ZNF683: variants seen among roughly 807,000 people sequenced by gnomAD.
ZNF683 encodes the protein tissue-resident T-cell transcription regulator protein ZNF683.
A neutral mutation model predicts 31.4 loss-of-function variants in ZNF683; 20 were observed. The ratio of observed to expected loss-of-function variants is 0.64; its 90% CI spans 0.45 to 0.93. The LOEUF (loss-of-function observed/expected upper bound fraction) is 0.93, where lower values mean the gene tolerates loss of function less well. Among genes scored for constraint, ZNF683 ranks in the 40% least tolerant of loss-of-function variants. ZNF683 has a pLI of 0.00. For missense variants in ZNF683, 621 were observed against 637.2 expected, an observed-to-expected ratio of 0.97 and a Z score of 0.27; for synonymous variants, 264 against 267.6, an observed-to-expected ratio of 0.99 and a Z score of 0.13.
rs761614494 is a variant in ZNF683, at chr1:26,361,958, GC to G, written c.1207del (p.Ala403ProfsTer19). On this transcript the variant is annotated frameshift_variant, in exon 6 of 6. Transcript: ENST00000349618. LOFTEE classifies it low-confidence loss of function (END_TRUNC). ...GCAGACACTGCACTGGAAGGGCCGGGCCCCGGAGTGCAGGCGCAGGTGGGTC... is the reference window on the plus strand; with the variant it reads ...GCAGACACTGCACTGGAAGGGCCGGGCCCGGAGTGCAGGCGCAGGTGGGTC... ...LKTHLRLHSG[A>X]RPFQCSVCRS... 6 of 1,613,992 alleles carry G rather than the reference GC, an allele frequency of 3.7e-6. No individual in the cohort carries two copies. In the East Asian group the frequency reaches 1.1e-4, roughly 30 times the overall value.
Position 26,372,560 on chromosome 1 carries a change from C to A in ZNF683, c.-15+109G>T, listed in dbSNP as rs6699091. On this transcript the variant is annotated intron_variant, in intron 1 of 5. Coordinates refer to ENST00000349618, the MANE Select transcript of ZNF683 (RefSeq NM_001114759.3). ...CTTTGGCTTCCATCTGCCAGCTCTG[C>A]CCTCTCCTGGCATCACACTCTGCTC... 125,257 of 1,304,876 alleles carry A rather than the reference C, an allele frequency of 0.096. 7,074 individuals are homozygous for A. The highest frequency in any genetic ancestry group is 0.24 in the African/African-American group (15,534 of 65,926). The allele number at this position is 1,304,876 out of a possible 1,614,324, so 80.8% of individuals were successfully genotyped here.
At chr1:26,366,180 C>CA (rs1471702767) in intron 3 of ZNF683, among the ~76,000 whole-genome samples, 6 of 149,984 alleles carry the variant, frequency 4.0e-5, no homozygotes, top group Non-Finnish European at 8.9e-5. Context: ...AACTCTGTTT[C>CA]AAAAAAAAGA....
Position 26,367,668 on chromosome 1 carries a change from G to A in ZNF683, c.244C>T (p.Leu82=), listed in dbSNP as rs1343330305. 2 of 1,612,938 alleles carry A rather than the reference G, an allele frequency of 1.2e-6. No homozygotes were observed. The highest frequency in any genetic ancestry group is 1.7e-6 in the Non-Finnish European group (2 of 1,179,768). The part of the protein sequence containing the change: ...ALLACLQDLD[L]NLCTPQPAPL... ...GCCGGCTGTGGGGTGCACAGGTTCAGGTCCAGGTCCTGTAGGCAGGCCAGC... is the reference window on the plus strand; with the variant it reads ...GCCGGCTGTGGGGTGCACAGGTTCAAGTCCAGGTCCTGTAGGCAGGCCAGC... The change falls in exon 3 of 6, where the codon CTG becomes TTG. Residue 82 remains leucine (L), a synonymous_variant. Coordinates refer to ENST00000349618, the MANE Select transcript of ZNF683 (RefSeq NM_001114759.3).
chr1:26,365,293 C>T, intron 3 of ZNF683, 67 bp from the exon 4 acceptor site: 24 of 1,468,430 alleles, frequency 1.6e-5, no homozygotes, highest in Non-Finnish European at 2.1e-5. Context: ...GCCATCAAAC[C>T]TGCCCTGCTC....
At chr1:26,363,215 C>A in intron 4 of ZNF683, 61 bp from the exon 5 acceptor site, 2 of 1,555,594 alleles carry the variant, frequency 1.3e-6, no homozygotes, top group Non-Finnish European at 1.7e-6. Context: ...GGCCTGAGGT[C>A]CTCTCCAAAT....
chr1:26,372,086 G>A (rs1570277279), intron 1 of ZNF683, among the ~76,000 whole-genome samples: 1 of 152,160 alleles, frequency 6.6e-6, no homozygotes, highest in Non-Finnish European at 1.5e-5. Flanking sequence ...TCTGGTGTGC[G>A]TGAGTCTGGC....
chr1:26,367,604 G>T lies in ZNF683; in HGVS notation c.308C>A (p.Ala103Asp), dbSNP rs939691287. 1 of 1,604,460 alleles carries T rather than the reference G, an allele frequency of 6.2e-7. No homozygotes were observed. Among genetic ancestry groups the T allele is most frequent in the African/African-American group, 1.3e-5 (1 of 74,676 alleles). ...GTDLQGLQED[A>D]LSMKHEPPGL... The stretch of plus-strand genomic sequence containing the variant: ...TGCCCTGGGCTTACTCATGCTCAAG[G>T]CGTCCTCTTGGAGGCCCTGCAGGTC... The change falls in exon 3 of 6, where the codon GCC (alanine) becomes GAC (aspartate). Residue 103 changes from alanine to aspartate, a missense_variant. Coordinates refer to ENST00000349618, the MANE Select transcript of ZNF683 (RefSeq NM_001114759.3).
rs771653711 is a variant in ZNF683 at position 26,361,699 on chromosome 1, C to T, written c.1467G>A (p.Leu489=). ...TSQGKARAVS[L]SSAGTPLVMG... ...TCACCAGGGGAGTCCCGGCACTGCT[C>T]AGGCTCACTGCTCTTGCTTTCCCCT... Residue 489 remains leucine, a synonymous_variant, in exon 6 of 6, where the codon CTG becomes CTA. Transcript: ENST00000349618. The T allele has an allele frequency of 4.3e-6, 7 of 1,614,020 alleles. No individual in the cohort carries two copies. Among genetic ancestry groups the T allele is most frequent in the Non-Finnish European group, 5.9e-6 (7 of 1,179,874 alleles).
rs556411075 is a variant in ZNF683 at position 26,367,539 on chromosome 1, C to T, written c.319+54G>A. 221 of 1,467,644 alleles carry T rather than the reference C, an allele frequency of 1.5e-4. No individual in the cohort carries two copies. In the African/African-American group the frequency reaches 2.9e-3, roughly 19 times the overall value. 90.9% of individuals were successfully genotyped at this position (1,467,644 alleles called of 1,614,324 possible). ...ACCCATCCCCAAACCTAGCAGTGCCCCCCACCCTCCAGCCTCTGCCAGGCG... is the reference window on the plus strand; with the variant it reads ...ACCCATCCCCAAACCTAGCAGTGCCTCCCACCCTCCAGCCTCTGCCAGGCG... On this transcript the variant is annotated intron_variant, in intron 3 of 5. Coordinates refer to ENST00000349618, the MANE Select transcript of ZNF683 (RefSeq NM_001114759.3).
At chr1:26,362,902 C>G in intron 5 of ZNF683, 124 bp downstream of exon 5, 2 of 1,327,316 alleles carry the variant, frequency 1.5e-6, no homozygotes, top group South Asian at 1.4e-5. Flanking sequence ...AATTTTCACT[C>G]CCCCTTCCCA....
Position 26,367,802 on chromosome 1 carries a change from A to G in ZNF683, c.115-5T>C. Reference sequence around the variant, plus strand: ...TGGTCTGCAGGCTGAGAAGACCTGGAGGGCAGGGGCAAGGGGCTTGGGGGC... The same window carrying G: ...TGGTCTGCAGGCTGAGAAGACCTGGGGGGCAGGGGCAAGGGGCTTGGGGGC... On this transcript the variant is annotated splice_region_variant and splice_polypyrimidine_tract_variant and intron_variant, in intron 2 of 5. Coordinates refer to ENST00000349618, the MANE Select transcript of ZNF683 (RefSeq NM_001114759.3). 3 of 1,571,234 alleles carry G rather than the reference A, an allele frequency of 1.9e-6. No individual in the cohort carries two copies. The highest frequency in any genetic ancestry group is 1.2e-5 in the South Asian group (1 of 85,174).
chr1:26,362,054 T>C lies in ZNF683; in HGVS notation c.1144-32A>G, dbSNP rs768449159. The stretch of plus-strand genomic sequence containing the variant: ...GGAACGAGCACTGGCATCAGCTTTG[T>C]CCTCTGGGCTGGCTCAGGCATTCTA... On this transcript the variant is annotated intron_variant, in intron 5 of 5. Coordinates refer to ENST00000349618, the MANE Select transcript of ZNF683 (RefSeq NM_001114759.3). The C allele has an allele frequency of 7.4e-6, 12 of 1,614,006 alleles. No homozygotes were observed. The African/African-American group carries it at 1.6e-4, about 22-fold the overall frequency.
intron 1 of ZNF683, among the ~76,000 whole-genome samples, chr1:26,371,303 A>G (rs2074663576): frequency 6.6e-6 from 1 of 152,234 alleles, no homozygotes; most frequent in African/African-American, 2.4e-5. Flanking sequence ...GAGGCAAAAG[A>G]TAATTCAAGC....
intron 2 of ZNF683, among the ~76,000 whole-genome samples, chr1:26,368,048 C>T (rs1026952771): frequency 6.6e-6 from 1 of 152,188 alleles, no homozygotes; most frequent in African/African-American, 2.4e-5. Flanking sequence ...TCCCTCCCTG[C>T]CCCGAACCCA....
rs1009069453 is a variant in ZNF683, at chr1:26,371,938, AG to A, written c.-15+730del. On this transcript the variant is annotated intron_variant, in intron 1 of 5. Coordinates refer to ENST00000349618, the MANE Select transcript of ZNF683 (RefSeq NM_001114759.3). ...CAGAGCGAGACCCTGTCTTAAAAAA[AG>A]TTAATAAATAAGGAAAAGACATGTC... 2.2e-4 allele frequency among the ~76,000 whole-genome samples: 33 copies of A among 152,158 alleles called. 1 individual carries two copies. Among genetic ancestry groups the A allele is most frequent in the Admixed American group, 1.8e-3 (27 of 15,264 alleles).
chr1:26,362,621 C>A (rs939617466), intron 5 of ZNF683, among the ~76,000 whole-genome samples: 3 of 152,282 alleles, frequency 2.0e-5, no homozygotes, highest in Middle Eastern at 3.4e-3. Flanking sequence ...TTCATTTCTG[C>A]CCCTGTAAAA....
At chr1:26,367,571 C>A (rs1336946934) in intron 3 of ZNF683, 22 bp downstream of exon 3, 4 of 1,546,866 alleles carry the variant, frequency 2.6e-6, no homozygotes, top group Non-Finnish European at 3.5e-6. Context: ...GGCGCAGGTG[C>A]AGCCCGGTGC....
At chr1:26,372,860 C>T (rs578046903), upstream of ZNF683, 270 of 1,167,464 alleles carry the variant, frequency 2.3e-4, no homozygotes, top group Middle Eastern at 3.9e-4. Context: ...ATCTGGGAGA[C>T]GAGAGCAAGG....
intron 2 of ZNF683, 24 bp downstream of exon 2, chr1:26,368,434 G>A: frequency 6.5e-7 from 1 of 1,540,038 alleles, no homozygotes; most frequent in Non-Finnish European, 8.7e-7. Flanking sequence ...TACCCACAAA[G>A]GTAAGGCTGG....
Sources: allele counts gnomAD v4.1 joint callset (sites outside exome capture counted in the v4.1 genomes callset), GRCh38; gene constraint gnomAD v4.1.1; transcripts MANE v1.5; gene names NCBI Gene and HGNC (gene_info 2026-07-23, HGNC 2026-07-21).